GPC5: variants seen among roughly 807,000 people sequenced by gnomAD.
GPC5 encodes the protein glypican-5.
In GPC5, 47 loss-of-function variants were observed where a neutral mutation model predicts 53.9. That is an observed-to-expected ratio of 0.87 (90% CI 0.69 to 1.11). The LOEUF (loss-of-function observed/expected upper bound fraction) is 1.11. Ranked by LOEUF, GPC5 falls within the 50% of genes most tolerant of loss-of-function variation. The probability of loss-of-function intolerance (pLI) is 0.00; values close to 1 mark genes in which losing one functional copy is unlikely to be tolerated. For synonymous variants in GPC5, 286 were observed against 263.3 expected, an observed-to-expected ratio of 1.09 and a Z score of -0.84; for missense variants, 748 against 713.1, an observed-to-expected ratio of 1.05 and a Z score of -0.56.
intron 2 of GPC5, among the ~76,000 whole-genome samples, chr13:91,688,752 A>G (rs2035676917): frequency 6.6e-6 from 1 of 152,186 alleles, no homozygotes; most frequent in African/African-American, 2.4e-5. Context: ...GCTATATGGT[A>G]TAGGTTCATC....
At chr13:91,421,234 T>G (rs1239964701) in intron 1 of GPC5, among the ~76,000 whole-genome samples, 1 of 152,240 alleles carries the variant, frequency 6.6e-6, no homozygotes, top group Non-Finnish European at 1.5e-5. Context: ...TATTTCCTTG[T>G]GTAGCCTGGG....
chr13:92,694,631 G>T (rs1887506784), intron 7 of GPC5, among the ~76,000 whole-genome samples: 1 of 152,142 alleles, frequency 6.6e-6, no homozygotes, highest in South Asian at 2.1e-4. Context: ...TACCCACATT[G>T]CATCCTAGAA....
intron 2 of GPC5, among the ~76,000 whole-genome samples, chr13:91,590,310 T>C (rs1336217): frequency 0.97 from 146,791 of 152,060 alleles, 71,065 homozygotes; most frequent in East Asian, 1. Context: ...GCTTATTTCA[T>C]AAATATTTAA....
intron 6 of GPC5, among the ~76,000 whole-genome samples, chr13:92,001,730 A>C (rs34347512): frequency 0.18 from 27,299 of 152,198 alleles, 3,018 homozygotes; most frequent in Non-Finnish European, 0.25. Context: ...TGTCCACAAG[A>C]AAAATATTTT....
chr13:91,496,536 A>G (rs1884274286), intron 2 of GPC5, among the ~76,000 whole-genome samples: 1 of 152,200 alleles, frequency 6.6e-6, no homozygotes, highest in Admixed American at 6.6e-5. Flanking sequence ...AGAAAGACAA[A>G]CTTCGCATTT....
At chr13:91,813,806 A>T (rs2038353099) in intron 5 of GPC5, among the ~76,000 whole-genome samples, 1 of 152,118 alleles carries the variant, frequency 6.6e-6, no homozygotes, top group South Asian at 2.1e-4. Flanking sequence ...AGCATTTTTT[A>T]AAGGCTTAGC....
chr13:91,415,060 C>T (rs1389564007), intron 1 of GPC5, among the ~76,000 whole-genome samples: 2 of 152,140 alleles, frequency 1.3e-5, no homozygotes, highest in South Asian at 4.1e-4. Flanking sequence ...TGTTTCCTAC[C>T]TTGCCTCCCT....
intron 7 of GPC5, among the ~76,000 whole-genome samples, chr13:92,594,364 G>T (rs767302925): frequency 2.6e-5 from 4 of 152,162 alleles, no homozygotes; most frequent in Non-Finnish European, 5.9e-5. Context: ...GCAGACACAG[G>T]TGAGAGCAAA....
At chr13:92,575,804 A>G (rs1484573857) in intron 7 of GPC5, among the ~76,000 whole-genome samples, 1 of 152,186 alleles carries the variant, frequency 6.6e-6, no homozygotes, top group Admixed American at 6.6e-5. Flanking sequence ...ATTTAACTCC[A>G]GTGTATCTTC....
At chr13:91,481,574 C>G (rs527316850) in intron 2 of GPC5, among the ~76,000 whole-genome samples, 1 of 152,296 alleles carries the variant, frequency 6.6e-6, no homozygotes, top group South Asian at 2.1e-4. Flanking sequence ...TGACTAGAGT[C>G]AAATTCCTGG....
intron 2 of GPC5, among the ~76,000 whole-genome samples, chr13:91,625,246 A>C (rs9589313): frequency 1.1e-3 from 160 of 152,078 alleles, no homozygotes; most frequent in African/African-American, 3.7e-3. Context: ...CACTCCTACA[A>C]GAAGATTTAG....
At chr13:92,166,378 C>T (rs1321312285) in intron 7 of GPC5, among the ~76,000 whole-genome samples, 1 of 152,122 alleles carries the variant, frequency 6.6e-6, no homozygotes, top group Non-Finnish European at 1.5e-5. Context: ...TCAAGAAATG[C>T]TCACAAAATC....
intron 7 of GPC5, among the ~76,000 whole-genome samples, chr13:92,192,967 G>A (rs2042233254): frequency 6.6e-6 from 1 of 152,130 alleles, no homozygotes; most frequent in Non-Finnish European, 1.5e-5. Context: ...ACAAGGTCAG[G>A]AGTTTGAGAC....
At chr13:92,202,150 A>T (rs1159039122) in intron 7 of GPC5, among the ~76,000 whole-genome samples, 1 of 152,214 alleles carries the variant, frequency 6.6e-6, no homozygotes, top group Non-Finnish European at 1.5e-5. Flanking sequence ...TTTATTATTC[A>T]TTTTAAGAAT....
intron 2 of GPC5, among the ~76,000 whole-genome samples, chr13:91,593,861 G>C (rs1269428673): frequency 4.0e-5 from 6 of 149,968 alleles, no homozygotes; most frequent in Non-Finnish European, 7.4e-5. Context: ...ATAGCAAAGA[G>C]ATTTTCTTTC....
intron 7 of GPC5, among the ~76,000 whole-genome samples, chr13:92,309,145 T>C (rs1161718527): frequency 6.6e-6 from 1 of 152,124 alleles, no homozygotes; most frequent in Non-Finnish European, 1.5e-5. Flanking sequence ...GCACATTGTG[T>C]TAGTATATTT....
intron 6 of GPC5, among the ~76,000 whole-genome samples, chr13:91,920,712 G>A (rs1025183997): frequency 6.6e-6 from 1 of 152,006 alleles, no homozygotes; most frequent in African/African-American, 2.4e-5. Context: ...AAAAAAACAG[G>A]CATCAGATTT....
chr13:92,850,446 A>G (rs1393072336), intron 7 of GPC5, among the ~76,000 whole-genome samples: 2 of 152,156 alleles, frequency 1.3e-5, no homozygotes, highest in Non-Finnish European at 2.9e-5. Context: ...CTAAAAATAC[A>G]AAAATTAGCC....
At chr13:92,546,061 T>A (rs1882098404) in intron 7 of GPC5, among the ~76,000 whole-genome samples, 2 of 152,114 alleles carry the variant, frequency 1.3e-5, no homozygotes, top group South Asian at 4.1e-4. Flanking sequence ...AATATCATAC[T>A]GAATGGACAC....
Sources: allele counts gnomAD v4.1 joint callset (sites outside exome capture counted in the v4.1 genomes callset), GRCh38; gene constraint gnomAD v4.1.1; transcripts MANE v1.5; gene names NCBI Gene and HGNC (gene_info 2026-07-23, HGNC 2026-07-21).